The following PACSIN1 variants were observed in gnomAD, a reference collection of about 807,000 sequenced individuals.
The protein encoded by PACSIN1 is protein kinase C and casein kinase substrate in neurons 1.
In PACSIN1, 15 loss-of-function variants were observed where a neutral mutation model predicts 59.5. The observed-to-expected ratio is 0.25, with a 90% CI of 0.17 to 0.39. The LOEUF is 0.39. Among genes scored for constraint, PACSIN1 ranks in the 10% least tolerant of loss-of-function variants. The pLI, the probability that PACSIN1 is intolerant of heterozygous loss-of-function variation, is 1.00. For missense variants in PACSIN1, 420 were observed against 580.2 expected, an observed-to-expected ratio of 0.72 and a Z score of 2.84; for synonymous variants, 210 against 220.6, an observed-to-expected ratio of 0.95 and a Z score of 0.42.
chr6:34,500,476 T>C (rs750031244), intron 1 of PACSIN1, among the ~76,000 whole-genome samples: 2 of 152,206 alleles, frequency 1.3e-5, no homozygotes, highest in African/African-American at 2.4e-5. Flanking sequence ...AACAGTAGGC[T>C]TAAAACATTC....
chr6:34,474,441 C>G (rs1033851154), intron 1 of PACSIN1, among the ~76,000 whole-genome samples: 1 of 152,102 alleles, frequency 6.6e-6, no homozygotes. Flanking sequence ...CAGATCACAT[C>G]CTTCCTCTGC....
intron 4 of PACSIN1, 21 bp downstream of exon 4, chr6:34,528,898 C>CTG: frequency 3.4e-6 from 1 of 298,358 alleles, no homozygotes; most frequent in Non-Finnish European, 6.2e-6. Flanking sequence ...GGTGCTGCCA[C>CTG]GGGCGGGGTG....
chr6:34,478,522 G>A (rs1005657911), intron 1 of PACSIN1, among the ~76,000 whole-genome samples: 5 of 151,428 alleles, frequency 3.3e-5, no homozygotes, highest in African/African-American at 1.2e-4. Context: ...GCAGGCATGC[G>A]TCACCACACC....
rs185633934 is a variant in PACSIN1 at position 34,467,718 on chromosome 6, C to A, written c.-64+1448C>A. 3.4e-3 allele frequency among the ~76,000 whole-genome samples: 519 copies of A among 152,078 alleles called. 4 individuals are homozygous for A. Among genetic ancestry groups the A allele is most frequent in the African/African-American group, 0.011 (456 of 41,500 alleles). ...GAATTACAGGCATGCACCACCACAC[C>A]CGGCTAATTTTATATTTTTAGTAGA... is the stretch of plus-strand genomic sequence containing the variant. On this transcript the variant is annotated intron_variant, in intron 1 of 9. Transcript: ENST00000244458.
chr6:34,494,932 G>A (rs989822070), intron 1 of PACSIN1, among the ~76,000 whole-genome samples: 2 of 152,212 alleles, frequency 1.3e-5, no homozygotes, highest in African/African-American at 4.8e-5. Flanking sequence ...ACCAGTGCTA[G>A]TTACTGTAAG....
At chr6:34,491,431 T>C (rs934613282) in intron 1 of PACSIN1, among the ~76,000 whole-genome samples, 12 of 152,144 alleles carry the variant, frequency 7.9e-5, no homozygotes, top group African/African-American at 2.9e-4. Flanking sequence ...GCGACCCAGC[T>C]TCTGGGTCCC....
intron 1 of PACSIN1, among the ~76,000 whole-genome samples, chr6:34,489,234 A>G (rs1766837003): frequency 6.6e-6 from 1 of 152,150 alleles, no homozygotes; most frequent in South Asian, 2.1e-4. Context: ...ATGTTTTGAA[A>G]TTGTGGAATG....
chr6:34,532,558 C>T lies in PACSIN1; in HGVS notation c.*28C>T, dbSNP rs1480484856. The T allele has an allele frequency of 7.8e-7, 1 of 1,278,724 alleles. No homozygotes were observed. Among genetic ancestry groups the T allele is most frequent in the Non-Finnish European group, 1.1e-6 (1 of 906,760 alleles). The allele number at this position is 1,278,724 out of a possible 1,614,324, so 79.2% of individuals were successfully genotyped here. ...GCCCCCTCCCTCCATACTCCCGTCACTCCTCCCCACTGCCGCCCCTCCCCT... is the reference window on the plus strand; with the variant it reads ...GCCCCCTCCCTCCATACTCCCGTCATTCCTCCCCACTGCCGCCCCTCCCCT... On this transcript the variant is annotated 3_prime_UTR_variant, in exon 10 of 10. Transcript: ENST00000244458. The surrounding 1 kb of genome is among the most constrained non-coding windows in gnomAD (Gnocchi z 5.2).
rs541777724 is a variant in PACSIN1, at chr6:34,488,762, G to A, written c.-64+22492G>A. Among the ~76,000 whole-genome samples, 13 of 152,228 alleles carry A rather than the reference G, an allele frequency of 8.5e-5. No homozygotes were observed. In the East Asian group the frequency reaches 1.4e-3, roughly 16 times the overall value. On this transcript the variant is annotated intron_variant, in intron 1 of 9. Coordinates refer to ENST00000244458, the MANE Select transcript of PACSIN1 (RefSeq NM_020804.5). This position sits in a 1 kb window ranked among gnomAD's most constrained non-coding sequence, Gnocchi z 4.7. ...TATTATTTATTTGATTGATTGATTT[G>A]TTGCCCAGGCTGGTCTTGAGCTCCT... is the stretch of plus-strand genomic sequence containing the variant.
chr6:34,499,201 A>T (rs891703943), intron 1 of PACSIN1, among the ~76,000 whole-genome samples: 2 of 151,918 alleles, frequency 1.3e-5, no homozygotes, highest in Admixed American at 6.6e-5. Context: ...GGAGTGTGCA[A>T]CCTAGATCCC....
At position 34,521,743 on chromosome 6, in the gene PACSIN1, C is replaced by T. The variant is rs898404333; in HGVS notation, c.-63-4500C>T. Reference sequence around the variant, plus strand: ...GCGGTGGTGGATGGATAGTAAGCGCCGACACCTGTGGAGAGCTCGCCGTGT... The same window carrying T: ...GCGGTGGTGGATGGATAGTAAGCGCTGACACCTGTGGAGAGCTCGCCGTGT... On this transcript the variant is annotated intron_variant, in intron 1 of 9. Transcript: ENST00000244458. This position sits in a 1 kb window ranked among gnomAD's most constrained non-coding sequence, Gnocchi z 4.3. 1.3e-5 allele frequency among the ~76,000 whole-genome samples: 2 copies of T among 152,062 alleles called. No individual in the cohort carries two copies. Among genetic ancestry groups the T allele is most frequent in the Non-Finnish European group, 1.5e-5 (1 of 68,004 alleles).
chr6:34,526,724 G>A (rs1237433454), intron 2 of PACSIN1, among the ~76,000 whole-genome samples: 26 of 152,214 alleles, frequency 1.7e-4, no homozygotes, highest in Admixed American at 1.7e-3. Flanking sequence ...GGCAGGGGTG[G>A]AGCGCCGGAC....
Position 34,518,108 on chromosome 6 carries a change from C to T in PACSIN1, c.-63-8135C>T, listed in dbSNP as rs537910404. ...TCCACACATCTTCCTTTTCTCCAAT[C>T]CAGCTGTGACCAGAGCTGCTCTGCC... On this transcript the variant is annotated intron_variant, in intron 1 of 9. Coordinates refer to ENST00000244458, the MANE Select transcript of PACSIN1 (RefSeq NM_020804.5). This position sits in a 1 kb window ranked among gnomAD's most constrained non-coding sequence, Gnocchi z 4.4. Among the ~76,000 whole-genome samples, 4 of 152,338 alleles carry T rather than the reference C, an allele frequency of 2.6e-5. No individual in the cohort carries two copies. The South Asian group carries it at 6.2e-4, about 24-fold the overall frequency.
intron 1 of PACSIN1, among the ~76,000 whole-genome samples, chr6:34,513,786 T>G (rs995503522): frequency 6.6e-6 from 1 of 152,058 alleles, no homozygotes; most frequent in African/African-American, 2.4e-5. Flanking sequence ...GCAGCAGAGC[T>G]GAGACACTGC....
At chr6:34,507,902 A>G (rs1031019172) in intron 1 of PACSIN1, among the ~76,000 whole-genome samples, 1 of 152,240 alleles carries the variant, frequency 6.6e-6, no homozygotes, top group South Asian at 2.1e-4. Context: ...AAGGCTAAAT[A>G]TTATTCCACT....
At chr6:34,479,528 T>C (rs1016613295) in intron 1 of PACSIN1, among the ~76,000 whole-genome samples, 1 of 152,154 alleles carries the variant, frequency 6.6e-6, no homozygotes, top group Non-Finnish European at 1.5e-5. Flanking sequence ...CTCAATCTCC[T>C]GGGCTCAAGC....
chr6:34,510,035 T>A (rs939207008), intron 1 of PACSIN1, among the ~76,000 whole-genome samples: 1 of 152,264 alleles, frequency 6.6e-6, no homozygotes, highest in South Asian at 2.1e-4. Flanking sequence ...TATACAATGA[T>A]ATCCTACACA....
intron 1 of PACSIN1, among the ~76,000 whole-genome samples, chr6:34,471,679 C>T (rs1254449688): frequency 2.6e-5 from 4 of 152,150 alleles, no homozygotes; most frequent in South Asian, 2.1e-4. Flanking sequence ...GGGGAGCATA[C>T]GTTAGCACTG....
In PACSIN1 at chr6:34,478,153, G is replaced by A. The variant is rs371363408; in HGVS notation, c.-64+11883G>A. The stretch of plus-strand genomic sequence containing the variant: ...CGGCTTACTGCAACCTCCGGCTCCC[G>A]GGTTCCAGCGATTCTCCTGCCTCAG... On this transcript the variant is annotated intron_variant, in intron 1 of 9. Transcript: ENST00000244458. Among the ~76,000 whole-genome samples, 253 of 150,678 alleles carry A rather than the reference G, an allele frequency of 1.7e-3. 2 individuals carry two copies. Among genetic ancestry groups the A allele is most frequent in the African/African-American group, 5.8e-3 (239 of 40,912 alleles).
Sources: gnomAD v4.1 joint callset for allele counts (sites outside exome capture counted in the v4.1 genomes callset) on GRCh38, gnomAD v4.1.1 for gene constraint, Gnocchi (gnomAD v3.1) non-coding constraint, MANE v1.5 for transcripts, NCBI Gene and HGNC (gene_info 2026-07-23, HGNC 2026-07-21) for gene names.